Variants in HPGDS observed in about 807,000 individuals in gnomAD.
HPGDS encodes the protein hematopoietic prostaglandin D synthase, also known as GST class-sigma.
Under a neutral mutation model 23.1 loss-of-function variants are expected in HPGDS, and 26 were observed. The observed-to-expected ratio is 1.13, with a 90% CI of 0.83 to 1.56. The LOEUF (loss-of-function observed/expected upper bound fraction) is 1.56, where lower values mean the gene tolerates loss of function less well. HPGDS is among the 40% of genes most tolerant of loss of function. The pLI is 0.00. For synonymous variants in HPGDS, 95 were observed against 77.9 expected, an observed-to-expected ratio of 1.22 and a Z score of -1.16; for missense variants, 268 against 236.4, an observed-to-expected ratio of 1.13 and a Z score of -0.88.
In HPGDS at chr4:94,317,858, C is replaced by A; in HGVS notation, c.226+15G>T. On this transcript the variant is annotated intron_variant, in intron 3 of 5. Transcript: ENST00000295256. The stretch of plus-strand genomic sequence containing the variant: ...TTTCAGTTATCAAAAATCTTAAGCA[C>A]AATAAACATGTTACCTGTGTTTTTG... 6.7e-7 allele frequency: 1 copy of A among 1,496,900 alleles called. No homozygotes were observed. Among genetic ancestry groups the A allele is most frequent in the Non-Finnish European group, 9.3e-7 (1 of 1,076,164 alleles). The allele number at this position is 1,496,900 out of a possible 1,614,324, so 92.7% of individuals were successfully genotyped here.
At chr4:94,331,208 A>G (rs1226616732) in intron 2 of HPGDS, among the ~76,000 whole-genome samples, 2 of 152,214 alleles carry the variant, frequency 1.3e-5, no homozygotes, top group Non-Finnish European at 2.9e-5. Flanking sequence ...CAGTTCATCT[A>G]CAGGGACTCA....
At chr4:94,334,941 A>G (rs1720964747) in intron 1 of HPGDS, among the ~76,000 whole-genome samples, 1 of 152,192 alleles carries the variant, frequency 6.6e-6, no homozygotes, top group African/African-American at 2.4e-5. Flanking sequence ...CAGAGCATGG[A>G]GCAAAAAAAA....
intron 3 of HPGDS, among the ~76,000 whole-genome samples, chr4:94,315,438 G>T (rs7658602): frequency 0.071 from 10,865 of 152,164 alleles, 571 homozygotes; most frequent in Non-Finnish European, 0.11. Flanking sequence ...TTTTTGTCAG[G>T]AGCATTTGTT....
At chr4:94,322,520 G>T (rs1211182542) in intron 2 of HPGDS, among the ~76,000 whole-genome samples, 6 of 152,088 alleles carry the variant, frequency 3.9e-5, no homozygotes, top group Admixed American at 6.6e-5. Flanking sequence ...AATTTATCCA[G>T]TTCTTCTAGA....
intron 3 of HPGDS, among the ~76,000 whole-genome samples, chr4:94,317,475 G>A (rs895050587): frequency 6.6e-6 from 1 of 152,044 alleles, no homozygotes; most frequent in South Asian, 2.1e-4. Flanking sequence ...GGACATTACT[G>A]AGTATATAAT....
At chr4:94,334,913 TAACTACACCCCAACCTTC>T (rs1357472685) in intron 1 of HPGDS, among the ~76,000 whole-genome samples, 1 of 152,102 alleles carries the variant, frequency 6.6e-6, no homozygotes, top group African/African-American at 2.4e-5. Flanking sequence ...ATTAAGAGGG[TAACTACACCCCAACCTTC>T]AGAGCATGGA....
intron 2 of HPGDS, among the ~76,000 whole-genome samples, chr4:94,331,659 G>A (rs1002604492): frequency 6.6e-6 from 1 of 152,104 alleles, no homozygotes; most frequent in Non-Finnish European, 1.5e-5. Context: ...CAGGGGAAAG[G>A]TGCTATGGAT....
intron 3 of HPGDS, 65 bp downstream of exon 3, chr4:94,317,808 A>G: frequency 1.1e-6 from 1 of 897,790 alleles, no homozygotes; most frequent in Non-Finnish European, 1.8e-6. Flanking sequence ...CATTTAATGA[A>G]TATTGAATAT....
Position 94,302,183 on chromosome 4 carries a change from G to A in HPGDS, c.398C>T (p.Thr133Ile). 6.2e-7 allele frequency: 1 copy of A among 1,612,324 alleles called. No individual in the cohort carries two copies. ...AAGCCATTCTCTCCCCCCTAAATAT[G>A]TGTCCAAGTCTTGCATAAGATGAGG... Reference protein sequence around the residue: ...NAPHLMQDLDTYLGGREWLIG... With the variant: ...NAPHLMQDLDIYLGGREWLIG... Residue 133 changes from threonine (T) to isoleucine (I), a missense_variant, in exon 5 of 6, where the codon ACA becomes ATA. Transcript: ENST00000295256.
At chr4:94,316,178 G>A (rs919840685) in intron 3 of HPGDS, among the ~76,000 whole-genome samples, 3 of 152,152 alleles carry the variant, frequency 2.0e-5, no homozygotes, top group Admixed American at 1.3e-4. Context: ...ATTGAGGAGG[G>A]TATTGCAAGT....
At chr4:94,325,384 A>G (rs1176745711) in intron 2 of HPGDS, among the ~76,000 whole-genome samples, 3 of 152,188 alleles carry the variant, frequency 2.0e-5, no homozygotes, top group Admixed American at 1.3e-4. Flanking sequence ...CACTGCCCCC[A>G]GAGGTGGAGT....
At chr4:94,322,007 A>G (rs1010891010) in intron 2 of HPGDS, among the ~76,000 whole-genome samples, 2 of 152,194 alleles carry the variant, frequency 1.3e-5, no homozygotes, top group African/African-American at 4.8e-5. Flanking sequence ...CCTTTTCTGC[A>G]TCTATTGAGA....
chr4:94,340,309 C>CTTTTT (rs1560597992), intron 1 of HPGDS, among the ~76,000 whole-genome samples: 1 of 28,764 alleles, frequency 3.5e-5, no homozygotes, highest in Non-Finnish European at 6.5e-5. Flanking sequence ...TTCTTTCTTT[C>CTTTTT]TCTTTTTTTT....
At chr4:94,307,703 G>A (rs78486326) in intron 4 of HPGDS, among the ~76,000 whole-genome samples, 3,785 of 152,234 alleles carry the variant, frequency 0.025, 106 homozygotes, top group African/African-American at 0.074. Flanking sequence ...CTGACACTAC[G>A]TTGACCTTGT....
chr4:94,302,190 A>T lies in HPGDS; in HGVS notation c.391T>A (p.Leu131Met). 1 of 1,612,752 alleles carries T rather than the reference A, an allele frequency of 6.2e-7. No homozygotes were observed. Among genetic ancestry groups the T allele is most frequent in the Non-Finnish European group, 8.5e-7 (1 of 1,179,040 alleles). Reference sequence around the variant, plus strand: ...TCTCTCCCCCCTAAATATGTGTCCAAGTCTTGCATAAGATGAGGCGCATTA... The same window carrying T: ...TCTCTCCCCCCTAAATATGTGTCCATGTCTTGCATAAGATGAGGCGCATTA... ...TYNAPHLMQD[L>M]DTYLGGREWL... The change falls in exon 5 of 6, where the codon TTG becomes ATG. Residue 131 changes from leucine to methionine, a missense_variant. Transcript: ENST00000295256.
chr4:94,300,712 T>C (rs1437160294), intron 5 of HPGDS, among the ~76,000 whole-genome samples: 4 of 148,996 alleles, frequency 2.7e-5, no homozygotes, highest in Non-Finnish European at 6.0e-5. Flanking sequence ...ATATGCAAAA[T>C]GATAGGGGTT....
At chr4:94,318,394 A>T (rs1756437829) in intron 2 of HPGDS, among the ~76,000 whole-genome samples, 1 of 152,170 alleles carries the variant, frequency 6.6e-6, no homozygotes, top group African/African-American at 2.4e-5. Flanking sequence ...ATTAATACAT[A>T]ATAATTGCAC....
At chr4:94,321,334 A>G (rs982394979) in intron 2 of HPGDS, among the ~76,000 whole-genome samples, 1 of 152,162 alleles carries the variant, frequency 6.6e-6, no homozygotes, top group Non-Finnish European at 1.5e-5. Context: ...ATGGCATTGA[A>G]TCTATAAATT....
chr4:94,309,564 A>T (rs1399962309), intron 3 of HPGDS, among the ~76,000 whole-genome samples: 1 of 152,008 alleles, frequency 6.6e-6, no homozygotes, highest in Non-Finnish European at 1.5e-5. Context: ...AGTCTTTGCT[A>T]TTGTGAATAG....
Sources: allele counts gnomAD v4.1 joint callset (sites outside exome capture counted in the v4.1 genomes callset), GRCh38; gene constraint gnomAD v4.1.1; transcripts MANE v1.5; gene names NCBI Gene and HGNC (gene_info 2026-07-23, HGNC 2026-07-21).